The following TMPRSS11A variants were observed in gnomAD, a reference collection of about 807,000 sequenced individuals.
The protein encoded by TMPRSS11A is transmembrane protease serine 11A.
TMPRSS11A carries 53 observed loss-of-function variants against 58.9 expected under a neutral mutation model. That is an observed-to-expected ratio of 0.90 (90% CI 0.72 to 1.13). The LOEUF is 1.13. Among genes scored for constraint, TMPRSS11A ranks in the 50% most tolerant of loss-of-function variants. The probability of loss-of-function intolerance (pLI) is 0.00; values close to 1 mark genes in which losing one functional copy is unlikely to be tolerated. For missense variants in TMPRSS11A, 493 were observed against 499.3 expected (o/e 0.99, Z 0.12); for synonymous variants, 167 against 169.8 (o/e 0.98, Z 0.13).
At chr4:67,952,626 G>A (rs551222742) in intron 1 of TMPRSS11A, among the ~76,000 whole-genome samples, 7 of 152,290 alleles carry the variant, frequency 4.6e-5, no homozygotes, top group Admixed American at 1.3e-4. Context: ...ATTGAAAGGA[G>A]GCCTGTGAGA....
chr4:67,945,353 A>T (rs1720975021), intron 2 of TMPRSS11A, among the ~76,000 whole-genome samples: 1 of 152,212 alleles, frequency 6.6e-6, no homozygotes, highest in African/African-American at 2.4e-5. Flanking sequence ...AATCCTTGAG[A>T]AGCCTGGCTC....
At chr4:67,919,898 A>G (rs1481909795) in intron 7 of TMPRSS11A, among the ~76,000 whole-genome samples, 1 of 152,210 alleles carries the variant, frequency 6.6e-6, no homozygotes. Flanking sequence ...ACTAGATTTT[A>G]GAGTGTTTTA....
At chr4:67,955,639 C>T (rs1694671442) in intron 1 of TMPRSS11A, among the ~76,000 whole-genome samples, 1 of 152,196 alleles carries the variant, frequency 6.6e-6, no homozygotes, top group South Asian at 2.1e-4. Context: ...ATCCATTTAA[C>T]TGTCCATGTA....
chr4:67,959,226 A>G (rs1721365105), intron 1 of TMPRSS11A, among the ~76,000 whole-genome samples: 1 of 152,242 alleles, frequency 6.6e-6, no homozygotes, highest in Admixed American at 6.5e-5. Context: ...CTATGGAGTG[A>G]CTAGTATTGT....
intron 3 of TMPRSS11A, among the ~76,000 whole-genome samples, chr4:67,940,941 G>GCATGCTGT (rs1444274594): frequency 6.6e-6 from 1 of 152,092 alleles, no homozygotes; most frequent in East Asian, 1.9e-4. Context: ...CCCTCAAAGT[G>GCATGCTGT]CATGCTGTCA....
At position 67,931,950 on chromosome 4, in the gene TMPRSS11A, TC is replaced by T. The variant is rs747531061; in HGVS notation, c.320+42del. 3 of 1,188,390 alleles carry T rather than the reference TC, an allele frequency of 2.5e-6. No individual in the cohort carries two copies. In the South Asian group the frequency reaches 3.7e-5, roughly 15 times the overall value. The allele number at this position is 1,188,390 out of a possible 1,614,324, so 73.6% of individuals were successfully genotyped here. On this transcript the variant is annotated intron_variant, in intron 4 of 9. Transcript: ENST00000508048. ...GAGTCCCTGTCTCCTTTGTTCCTTT[TC>T]CCTCCAGTCTTGTGATTCCACCTTT... is the stretch of plus-strand genomic sequence containing the variant.
chr4:67,930,829 T>TTTTTTTAAA (rs1265700805), intron 4 of TMPRSS11A, among the ~76,000 whole-genome samples: 35 of 90,130 alleles, frequency 3.9e-4, no homozygotes, highest in East Asian at 1.0e-3. Flanking sequence ...TTTTTTTTTT[T>TTTTTTTAAA]ACAAAAAAAA....
At chr4:67,948,707 G>A (rs536839523) in intron 1 of TMPRSS11A, among the ~76,000 whole-genome samples, 1 of 152,264 alleles carries the variant, frequency 6.6e-6, no homozygotes, top group East Asian at 1.9e-4. Context: ...TGCTTGAATA[G>A]AACAACAAAC....
chr4:67,944,184 G>A (rs1720944519), intron 3 of TMPRSS11A, among the ~76,000 whole-genome samples: 1 of 152,120 alleles, frequency 6.6e-6, no homozygotes, highest in East Asian at 1.9e-4. Flanking sequence ...ATATGATTAG[G>A]CTTTTCTACA....
At chr4:67,920,675 C>T (rs1199284479) in intron 7 of TMPRSS11A, among the ~76,000 whole-genome samples, 4 of 151,474 alleles carry the variant, frequency 2.6e-5, no homozygotes, top group Non-Finnish European at 5.9e-5. Context: ...AGGTTTGTTA[C>T]ACAGGTAAAC....
chr4:67,927,087 C>G (rs930239015), intron 5 of TMPRSS11A, among the ~76,000 whole-genome samples: 6 of 152,160 alleles, frequency 3.9e-5, no homozygotes, highest in African/African-American at 9.7e-5. Flanking sequence ...CTCAGTAAAC[C>G]TTTCTTCGTC....
intron 1 of TMPRSS11A, among the ~76,000 whole-genome samples, chr4:67,953,479 C>A (rs1721211680): frequency 6.6e-6 from 1 of 152,116 alleles, no homozygotes; most frequent in Non-Finnish European, 1.5e-5. Context: ...TTTTTACTCC[C>A]ATCTCTACTG....
chr4:67,922,652 A>G, intron 7 of TMPRSS11A, 103 bp downstream of exon 7: 1 of 1,151,762 alleles, frequency 8.7e-7, no homozygotes, highest in African/African-American at 1.5e-5. Flanking sequence ...ACTTTTTCTT[A>G]TTTTACTTCA....
intron 1 of TMPRSS11A, among the ~76,000 whole-genome samples, chr4:67,950,621 G>T (rs1721132343): frequency 6.6e-6 from 1 of 152,126 alleles, no homozygotes; most frequent in Admixed American, 6.5e-5. Flanking sequence ...AATCTTGGGG[G>T]CCCTCTTAGA....
chr4:67,947,786 G>A (rs1721061741), intron 1 of TMPRSS11A, among the ~76,000 whole-genome samples: 1 of 152,134 alleles, frequency 6.6e-6, no homozygotes. Context: ...GCTTCTCAAT[G>A]GGCTGCATTA....
In TMPRSS11A at chr4:67,910,778, C is replaced by G. The variant is rs2109728483; in HGVS notation, c.*564G>C. The G allele has an allele frequency of 6.6e-6, 1 of 151,998 alleles. No homozygotes were observed. The highest frequency in any genetic ancestry group is 1.9e-4 in the East Asian group (1 of 5,176). The allele number at this position is 151,998 out of a possible 1,614,324, so 9.4% of individuals were successfully genotyped here. ...CTAAAAAAAGTTAGAAGATCTCTGGCTTGTTTTACTATCAGACTTTGTTTC... is the reference window on the plus strand; with the variant it reads ...CTAAAAAAAGTTAGAAGATCTCTGGGTTGTTTTACTATCAGACTTTGTTTC... On this transcript the variant is annotated 3_prime_UTR_variant, in exon 10 of 10. Coordinates refer to ENST00000508048, the MANE Select transcript of TMPRSS11A (RefSeq NM_001114387.2).
At chr4:67,960,481 T>G (rs1316659206) in intron 1 of TMPRSS11A, among the ~76,000 whole-genome samples, 5 of 152,286 alleles carry the variant, frequency 3.3e-5, no homozygotes, top group African/African-American at 1.2e-4. Flanking sequence ...GGAGATAATA[T>G]TACCTAAGTC....
chr4:67,910,494 C>T lies in TMPRSS11A; in HGVS notation c.*848G>A, dbSNP rs568282181. The T allele has an allele frequency of 5.3e-5, 8 of 151,996 alleles. No homozygotes were observed. The highest frequency in any genetic ancestry group is 1.9e-4 in the African/African-American group (8 of 41,484). 9.4% of individuals were successfully genotyped at this position (151,996 alleles called of 1,614,324 possible). On this transcript the variant is annotated 3_prime_UTR_variant, in exon 10 of 10. Coordinates refer to ENST00000508048, the MANE Select transcript of TMPRSS11A (RefSeq NM_001114387.2). ...CCTACAATAATAATGCACAAAATTT[C>T]CCCCTTGTGGTCAAAATATGTAAGT...
intron 1 of TMPRSS11A, among the ~76,000 whole-genome samples, chr4:67,959,984 A>G (rs1721385715): frequency 1.3e-5 from 2 of 152,232 alleles, no homozygotes; most frequent in Admixed American, 6.5e-5. Context: ...AATACTATGC[A>G]GCTGTAAAAA....
Sources: allele counts gnomAD v4.1 joint callset (sites outside exome capture counted in the v4.1 genomes callset), GRCh38; gene constraint gnomAD v4.1.1; transcripts MANE v1.5; gene names NCBI Gene and HGNC (gene_info 2026-07-23, HGNC 2026-07-21).